Variants in MACROD2 observed in about 807,000 individuals in gnomAD.
MACROD2 encodes the protein ADP-ribose glycohydrolase MACROD2.
In MACROD2, 36 loss-of-function variants were observed where a neutral mutation model predicts 70.4. The ratio of observed to expected loss-of-function variants is 0.51; its 90% CI spans 0.39 to 0.68. The LOEUF (loss-of-function observed/expected upper bound fraction) is 0.68, where lower values mean the gene tolerates loss of function less well. Among genes scored for constraint, MACROD2 ranks in the 30% least tolerant of loss-of-function variants. The pLI, the probability that MACROD2 is intolerant of heterozygous loss-of-function variation, is 0.00. For missense variants in MACROD2, 496 were observed against 538.4 expected (o/e 0.92, Z 0.78); for synonymous variants, 172 against 178.8 (o/e 0.96, Z 0.30).
intron 4 of MACROD2, among the ~76,000 whole-genome samples, chr20:14,557,050 A>C (rs1271813899): frequency 2.6e-5 from 4 of 151,806 alleles, no homozygotes; most frequent in Admixed American, 2.0e-4. Flanking sequence ...AATAGAATTA[A>C]GAGTCCAGAA....
At chr20:15,679,774 A>AC (rs1188990096) in intron 8 of MACROD2, among the ~76,000 whole-genome samples, 2 of 152,068 alleles carry the variant, frequency 1.3e-5, no homozygotes, top group Non-Finnish European at 2.9e-5. Context: ...CAGACAGATG[A>AC]CCCTCGGAGA....
At chr20:14,862,715 A>T (rs13043001) in intron 5 of MACROD2, among the ~76,000 whole-genome samples, 30,652 of 62,782 alleles carry the variant, frequency 0.49, 10,482 homozygotes, top group Non-Finnish European at 0.64. Flanking sequence ...ATATATATAT[A>T]TTTTTTTTTA....
rs139606283 is a variant in MACROD2, at chr20:14,259,863, C to A, written c.271+174135C>A. Among the ~76,000 whole-genome samples, 3 of 152,156 alleles carry A rather than the reference C, an allele frequency of 2.0e-5. No homozygotes were observed. In the South Asian group the frequency reaches 6.2e-4, roughly 32 times the overall value. ...TTGTTTATGGGATATAGAGGGGAGG[C>A]GGGGAAAACTCATGAATCAATCAGT... is the stretch of plus-strand genomic sequence containing the variant. On this transcript the variant is annotated intron_variant, in intron 3 of 17. Transcript: ENST00000684519.
chr20:14,074,948 T>C (rs1315884120), intron 2 of MACROD2, among the ~76,000 whole-genome samples: 2 of 152,326 alleles, frequency 1.3e-5, no homozygotes, highest in East Asian at 3.9e-4. Flanking sequence ...CCTTTTTCAG[T>C]GTATCCAAAT....
chr20:15,516,031 G>A (rs6074909), intron 8 of MACROD2, among the ~76,000 whole-genome samples: 28 of 151,960 alleles, frequency 1.8e-4, no homozygotes, highest in Admixed American at 6.5e-5. Flanking sequence ...ATGGGCACAC[G>A]GCTTACCCCG....
chr20:15,752,928 A>G (rs1309020857), intron 8 of MACROD2, among the ~76,000 whole-genome samples: 2 of 152,152 alleles, frequency 1.3e-5, no homozygotes, highest in Non-Finnish European at 2.9e-5. Flanking sequence ...CTGAATTAGA[A>G]TGGGAGAGGG....
At chr20:14,839,287 T>C (rs945183274) in intron 5 of MACROD2, among the ~76,000 whole-genome samples, 1 of 152,150 alleles carries the variant, frequency 6.6e-6, no homozygotes, top group Non-Finnish European at 1.5e-5. Flanking sequence ...TTTGAACTCC[T>C]TTTAGCTTCT....
intron 3 of MACROD2, among the ~76,000 whole-genome samples, chr20:14,091,815 C>T (rs975127816): frequency 3.3e-5 from 5 of 151,772 alleles, no homozygotes; most frequent in African/African-American, 1.2e-4. Context: ...ATGGATGTAC[C>T]AGAGTTTGTT....
rs372083863 is a variant in MACROD2 at position 14,853,807 on chromosome 20, TTTTTGTTTTG to T, written c.418+168869_418+168878del. Among the ~76,000 whole-genome samples the T allele has an allele frequency of 5.3e-4, 80 of 151,994 alleles. 1 individual carries two copies. The highest frequency in any genetic ancestry group is 1.2e-3 in the African/African-American group (51 of 41,432). ...CTATAAGGAGAAATATACACAAACT[TTTTTGTTTTG>T]TTTTGTTTTGTTTTGTTTTGGTGCT... is the stretch of plus-strand genomic sequence containing the variant. On this transcript the variant is annotated intron_variant, in intron 5 of 17. Transcript: ENST00000684519.
intron 3 of MACROD2, among the ~76,000 whole-genome samples, chr20:14,111,572 A>T (rs1215679624): frequency 6.6e-6 from 1 of 152,098 alleles, no homozygotes; most frequent in Non-Finnish European, 1.5e-5. Flanking sequence ...ATTTCTCAAA[A>T]GAGGACACAC....
At chr20:14,495,213 C>T (rs533340749) in intron 4 of MACROD2, among the ~76,000 whole-genome samples, 9 of 152,106 alleles carry the variant, frequency 5.9e-5, no homozygotes, top group Non-Finnish European at 1.3e-4. Context: ...AGTCTAGATA[C>T]AGGCTGGAAT....
chr20:15,229,995 G>A lies in MACROD2; in HGVS notation c.474G>A (p.Lys158=), dbSNP rs1482605354. Reference sequence around the variant, plus strand: ...GGGGCCATATTAATGGTTCCCACAAGGAAGACCTTGCAAATTGCTATAAAT... The same window carrying A: ...GGGGCCATATTAATGGTTCCCACAAAGAAGACCTTGCAAATTGCTATAAAT... ...IARGHINGSH[K]EDLANCYKSS... is the part of the protein sequence containing the mutation. The change falls in exon 6 of 18, where the codon AAG becomes AAA. Residue 158 remains lysine, a synonymous_variant. Transcript: ENST00000684519. 1 of 1,613,758 alleles carries A rather than the reference G, an allele frequency of 6.2e-7. No homozygotes were observed.
intron 6 of MACROD2, among the ~76,000 whole-genome samples, chr20:15,295,874 C>T (rs144363738): frequency 8.5e-5 from 13 of 152,264 alleles, no homozygotes; most frequent in African/African-American, 3.1e-4. Flanking sequence ...AATCTTCCTG[C>T]ACCTGACTTA....
chr20:15,337,760 G>A (rs931075357), intron 6 of MACROD2, among the ~76,000 whole-genome samples: 1 of 151,682 alleles, frequency 6.6e-6, no homozygotes, highest in Non-Finnish European at 1.5e-5. Context: ...CATGACATGA[G>A]TCTCAATATT....
At chr20:15,039,567 A>G (rs745851539) in intron 5 of MACROD2, among the ~76,000 whole-genome samples, 3 of 152,104 alleles carry the variant, frequency 2.0e-5, no homozygotes, top group Non-Finnish European at 4.4e-5. Flanking sequence ...GGTATTGTTT[A>G]ATGAGCCCTG....
intron 5 of MACROD2, among the ~76,000 whole-genome samples, chr20:15,044,766 A>T (rs1211040966): frequency 6.6e-6 from 1 of 152,174 alleles, no homozygotes; most frequent in Non-Finnish European, 1.5e-5. Flanking sequence ...GGGGGTTGCT[A>T]CAGCCTTCCC....
chr20:14,760,550 A>G (rs2072002667), intron 5 of MACROD2, among the ~76,000 whole-genome samples: 1 of 152,106 alleles, frequency 6.6e-6, no homozygotes, highest in African/African-American at 2.4e-5. Flanking sequence ...GTAAATCTAA[A>G]ACAAAATACA....
At chr20:15,550,545 A>C (rs1243090987) in intron 8 of MACROD2, among the ~76,000 whole-genome samples, 1 of 152,028 alleles carries the variant, frequency 6.6e-6, no homozygotes, top group Non-Finnish European at 1.5e-5. Flanking sequence ...TTATTGTATC[A>C]CTTTTTTATT....
At chr20:14,912,088 G>T (rs939410823) in intron 5 of MACROD2, among the ~76,000 whole-genome samples, 28 of 152,156 alleles carry the variant, frequency 1.8e-4, no homozygotes, top group African/African-American at 6.7e-4. Flanking sequence ...ATAAATTAGG[G>T]GGTCACTTGG....
Sources: allele counts gnomAD v4.1 joint callset (sites outside exome capture counted in the v4.1 genomes callset), GRCh38; gene constraint gnomAD v4.1.1; transcripts MANE v1.5; gene names NCBI Gene and HGNC (gene_info 2026-07-23, HGNC 2026-07-21).